The following RAB37 variants were observed in gnomAD, a reference collection of about 807,000 sequenced individuals.
RAB37 encodes RAB37, member RAS oncogene family.
A neutral mutation model predicts 33.1 loss-of-function variants in RAB37; 29 were observed. That is an observed-to-expected ratio of 0.88 (90% CI 0.65 to 1.20). The LOEUF (loss-of-function observed/expected upper bound fraction) is 1.20, where lower values mean the gene tolerates loss of function less well. RAB37 is among the 50% of genes most tolerant of loss of function. The pLI, the probability that RAB37 is intolerant of heterozygous loss-of-function variation, is 0.00. For missense variants in RAB37, 299 were observed against 301.1 expected (o/e 0.99, Z 0.05); for synonymous variants, 128 against 119.5 (o/e 1.07, Z -0.47).
At chr17:74,682,705 G>T (rs1464526540) in intron 1 of RAB37, among the ~76,000 whole-genome samples, 2 of 152,206 alleles carry the variant, frequency 1.3e-5, no homozygotes, top group Non-Finnish European at 2.9e-5. Flanking sequence ...GGGAGTTCAA[G>T]AACAGCCTGA....
Position 74,737,328 on chromosome 17 carries a change from C to G in RAB37, c.56C>G (p.Ser19Cys), listed in dbSNP as rs115542745. The change falls in exon 1 of 9, where the codon TCC becomes TGC. Residue 19 changes from serine (S) to cysteine (C), a missense_variant. Coordinates refer to ENST00000392613, the MANE Select transcript of RAB37 (RefSeq NM_001006638.3). ...CGGGATGGCGAGGCCCCCGAGCGCT[C>G]CCCGCCCTGCAGTCCGAGCTACGAC... ...ATRDGEAPERSPPCSPSYDLT... is the reference protein window; with the variant it reads ...ATRDGEAPERCPPCSPSYDLT... The G allele has an allele frequency of 7.8e-4, 1,233 of 1,577,604 alleles. 12 individuals are homozygous for G. In the African/African-American group the frequency reaches 0.013, roughly 17 times the overall value.
In RAB37 at chr17:74,671,277, G is replaced by A; in HGVS notation, c.-310G>A. On this transcript the variant is annotated 5_prime_UTR_variant, in exon 1 of 8. Transcript: ENST00000340415. The surrounding 1 kb of genome is among the most constrained non-coding windows in gnomAD (Gnocchi z 5.0). The stretch of plus-strand genomic sequence containing the variant: ...AGCCGGACCCAAATCTTGCGTCCCT[G>A]CCAGCATCCTGGAGTCCTAAGAGGC... 2.9e-6 allele frequency: 1 copy of A among 340,844 alleles called. No individual in the cohort carries two copies. Among genetic ancestry groups the A allele is most frequent in the Non-Finnish European group, 5.4e-6 (1 of 184,136 alleles). The allele number at this position is 340,844 out of a possible 1,614,324, so 21.1% of individuals were successfully genotyped here. A position where few individuals can be genotyped will look rare whatever the true frequency, so the allele number is the denominator to read the frequency against.
intron 1 of RAB37, among the ~76,000 whole-genome samples, chr17:74,677,825 G>A (rs935183353): frequency 1.4e-4 from 21 of 152,150 alleles, no homozygotes; most frequent in Admixed American, 2.6e-4. Context: ...TCAGTCCAGC[G>A]CCTCAAAGTC....
rs980525956 is a variant in RAB37, at chr17:74,730,075, C to T, written c.183+709C>T. 6.6e-6 allele frequency among the ~76,000 whole-genome samples: 1 copy of T among 152,198 alleles called. No homozygotes were observed. Among genetic ancestry groups the T allele is most frequent in the African/African-American group, 2.4e-5 (1 of 41,458 alleles). On this transcript the variant is annotated intron_variant, in intron 2 of 7. Transcript: ENST00000340415. The surrounding 1 kb of genome is among the most constrained non-coding windows in gnomAD (Gnocchi z 4.4). ...GACAAGGGATCCCTCCTTTACCACA[C>T]ATCCCATCTCCCCGCGTTGTCCCGT...
rs1207341334 is a variant in RAB37 at position 74,687,301 on chromosome 17, G to A, written c.72+15643G>A. Among the ~76,000 whole-genome samples, 3 of 151,796 alleles carry A rather than the reference G, an allele frequency of 2.0e-5. No individual in the cohort carries two copies. The East Asian group carries it at 5.8e-4, about 29-fold the overall frequency. On this transcript the variant is annotated intron_variant, in intron 1 of 7. Transcript: ENST00000340415. Reference sequence around the variant, plus strand: ...TGCAATGGCACGATCTTGGCTCACTGCAACCTCCATCTCCCAGGTTCAAGC... The same window carrying A: ...TGCAATGGCACGATCTTGGCTCACTACAACCTCCATCTCCCAGGTTCAAGC...
intron 1 of RAB37, among the ~76,000 whole-genome samples, chr17:74,723,680 G>C (rs1282080428): frequency 6.7e-6 from 1 of 150,048 alleles, no homozygotes; most frequent in Non-Finnish European, 1.5e-5. Flanking sequence ...CTGGATTCAA[G>C]TGATTCTCGT....
chr17:74,680,604 C>T (rs972055470), intron 1 of RAB37, among the ~76,000 whole-genome samples: 7 of 152,162 alleles, frequency 4.6e-5, no homozygotes, highest in Non-Finnish European at 1.0e-4. Flanking sequence ...CCCCTTCTAC[C>T]CTTAGGTCCT....
chr17:74,689,728 C>G (rs2143500257), intron 1 of RAB37, among the ~76,000 whole-genome samples: 1 of 152,266 alleles, frequency 6.6e-6, no homozygotes, highest in African/African-American at 2.4e-5. Flanking sequence ...AGCAGTCTCC[C>G]CTTTCCAAGG....
rs1276634769 is a variant in RAB37, at chr17:74,745,117, G to A, written c.566+33G>A. The A allele has an allele frequency of 1.2e-6, 2 of 1,607,716 alleles. No homozygotes were observed. Among genetic ancestry groups the A allele is most frequent in the South Asian group, 1.1e-5 (1 of 90,920 alleles). On this transcript the variant is annotated intron_variant, in intron 8 of 8. Transcript: ENST00000392613. The surrounding 1 kb of genome is among the most constrained non-coding windows in gnomAD (Gnocchi z 4.5). ...CTGGGCAGGGAAGGGAAGTGTGCGG[G>A]GCAGGGCGGCACACTCCAGGAATCC...
Position 74,744,238 on chromosome 17 carries a change from C to A in RAB37, c.367-70C>A. ...AAGGTAGTGAGTAACTGAGGATAGT[C>A]AAACGGAGCAGAAGAAGAAAGGGGC... is the stretch of plus-strand genomic sequence containing the variant. On this transcript the variant is annotated intron_variant, in intron 5 of 8. Coordinates refer to ENST00000392613, the MANE Select transcript of RAB37 (RefSeq NM_001006638.3). The surrounding 1 kb of genome is among the most constrained non-coding windows in gnomAD (Gnocchi z 4.2). The A allele has an allele frequency of 6.9e-7, 1 of 1,447,208 alleles. No individual in the cohort carries two copies. The highest frequency in any genetic ancestry group is 9.6e-7 in the Non-Finnish European group (1 of 1,044,118). 89.6% of individuals were successfully genotyped at this position (1,447,208 alleles called of 1,614,324 possible). A position where few individuals can be genotyped will look rare whatever the true frequency, so the allele number is the denominator to read the frequency against.
At chr17:74,681,257 C>T (rs1041531715) in intron 1 of RAB37, among the ~76,000 whole-genome samples, 1 of 152,192 alleles carries the variant, frequency 6.6e-6, no homozygotes, top group African/African-American at 2.4e-5. Context: ...TTGCAGCTCT[C>T]GAGGCTGCCA....
At chr17:74,719,758 C>T (rs1439769466) in intron 1 of RAB37, among the ~76,000 whole-genome samples, 2 of 152,182 alleles carry the variant, frequency 1.3e-5, no homozygotes, top group Non-Finnish European at 1.5e-5. Context: ...TCAAGTGATC[C>T]TCCTGCCTTT....
chr17:74,677,686 C>A (rs969336674), intron 1 of RAB37: 1 of 152,252 alleles, frequency 6.6e-6, no homozygotes, highest in Non-Finnish European at 1.5e-5. Context: ...CACTGGCAAT[C>A]TGGTGCCGTC....
At position 74,744,758 on chromosome 17, in the gene RAB37, C is replaced by A; in HGVS notation, c.433-115C>A. ...CCTGGCCCCAGGCCAATCACACCTGCCTGCAGTCCCTTGGGCCACCAGCAG... is the reference window on the plus strand; with the variant it reads ...CCTGGCCCCAGGCCAATCACACCTGACTGCAGTCCCTTGGGCCACCAGCAG... On this transcript the variant is annotated intron_variant, in intron 6 of 8. Coordinates refer to ENST00000392613, the MANE Select transcript of RAB37 (RefSeq NM_001006638.3). This position sits in a 1 kb window ranked among gnomAD's most constrained non-coding sequence, Gnocchi z 4.2. 8.1e-7 allele frequency: 1 copy of A among 1,241,778 alleles called. No homozygotes were observed. The allele number at this position is 1,241,778 out of a possible 1,614,324, so 76.9% of individuals were successfully genotyped here.
intron 2 of RAB37, among the ~76,000 whole-genome samples, chr17:74,731,052 C>T (rs1221900797): frequency 6.6e-6 from 1 of 152,232 alleles, no homozygotes; most frequent in African/African-American, 2.4e-5. Flanking sequence ...CAGGACAAAC[C>T]TGTTGCCTGC....
chr17:74,678,106 T>A (rs149484183), intron 1 of RAB37, among the ~76,000 whole-genome samples: 1 of 152,178 alleles, frequency 6.6e-6, no homozygotes, highest in Non-Finnish European at 1.5e-5. Flanking sequence ...CCAATACCCT[T>A]CTTGCTTCCT....
Position 74,746,666 on chromosome 17 carries a change from AAAG to A in RAB37, c.*1257_*1259del, listed in dbSNP as rs1027724006. ...TAGGTTTGGAATGTGTTGTGAAAAA[AAAG>A]AGAAATCCCTGGCTCCTGGAGCTGG... is the stretch of plus-strand genomic sequence containing the variant. On this transcript the variant is annotated 3_prime_UTR_variant, in exon 9 of 9. Transcript: ENST00000392613. This position sits in a 1 kb window ranked among gnomAD's most constrained non-coding sequence, Gnocchi z 5.2. 2.0e-5 allele frequency: 3 copies of A among 152,094 alleles called. No homozygotes were observed. The highest frequency in any genetic ancestry group is 4.4e-5 in the Non-Finnish European group (3 of 68,050). The allele number at this position is 152,094 out of a possible 1,614,324, so 9.4% of individuals were successfully genotyped here. A position where few individuals can be genotyped will look rare whatever the true frequency, so the allele number is the denominator to read the frequency against.
chr17:74,741,165 A>C (rs1383752715), intron 2 of RAB37, among the ~76,000 whole-genome samples: 3 of 152,144 alleles, frequency 2.0e-5, no homozygotes, highest in African/African-American at 7.2e-5. Flanking sequence ...CAGGCACGGC[A>C]TAAGCTGAAT....
At chr17:74,726,025 A>G (rs1316961490) in intron 1 of RAB37, among the ~76,000 whole-genome samples, 2 of 152,034 alleles carry the variant, frequency 1.3e-5, no homozygotes, top group East Asian at 3.9e-4. Flanking sequence ...TCACGAGGTC[A>G]GGAGATCGAG....
Sources: allele counts gnomAD v4.1 joint callset (sites outside exome capture counted in the v4.1 genomes callset), GRCh38; gene constraint gnomAD v4.1.1; non-coding constraint Gnocchi (gnomAD v3.1); transcripts MANE v1.5; gene names NCBI Gene and HGNC (gene_info 2026-07-23, HGNC 2026-07-21).